Variants in RET observed in about 807,000 individuals in gnomAD.
The protein encoded by RET is ret proto-oncogene, also known as proto-oncogene tyrosine-protein kinase receptor Ret.
In RET, 19 loss-of-function variants were observed where a neutral mutation model predicts 118.3. The ratio of observed to expected loss-of-function variants is 0.16; its 90% CI spans 0.11 to 0.24. The LOEUF (loss-of-function observed/expected upper bound fraction) is 0.24, where lower values mean the gene tolerates loss of function less well. Among genes scored for constraint, RET ranks in the 10% least tolerant of loss-of-function variants. The pLI, the probability that RET is intolerant of heterozygous loss-of-function variation, is 1.00. For synonymous variants in RET, 597 were observed against 644.1 expected, an observed-to-expected ratio of 0.93 and a Z score of 1.11; for missense variants, 1,219 against 1,502.1, an observed-to-expected ratio of 0.81 and a Z score of 3.12.
chr10:43,086,097 G>T (rs1015086389), intron 1 of RET, among the ~76,000 whole-genome samples: 1 of 152,210 alleles, frequency 6.6e-6, no homozygotes, highest in African/African-American at 2.4e-5. Flanking sequence ...TTCTCTGCAT[G>T]CCTGTCACTG....
chr10:43,077,243 C>G lies in RET; in HGVS notation c.-16C>G, dbSNP rs1196767685. 1.3e-6 allele frequency: 2 copies of G among 1,496,830 alleles called. No individual in the cohort carries two copies. The highest frequency in any genetic ancestry group is 2.1e-5 in the Admixed American group (1 of 47,206). The allele number at this position is 1,496,830 out of a possible 1,614,324, so 92.7% of individuals were successfully genotyped here. The stretch of plus-strand genomic sequence containing the variant: ...AGCCGCAGTCCCTCCAGCCGTGGCC[C>G]CAGCGCGCACGGGCGATGGCGAAGG... On this transcript the variant is annotated 5_prime_UTR_variant, in exon 1 of 20. Coordinates refer to ENST00000355710, the MANE Select transcript of RET (RefSeq NM_020975.6).
intron 18 of RET, 74 bp from the exon 19 acceptor site, chr10:43,126,501 A>T: frequency 7.6e-7 from 1 of 1,314,604 alleles, no homozygotes; most frequent in Non-Finnish European, 1.1e-6. Context: ...TGCCCTGAGG[A>T]TGGCTTGTTG....
rs2132850697 is a variant in RET, at chr10:43,114,626, T to C, written c.2026T>C (p.Phe676Leu). Reference sequence around the variant, plus strand: ...ACCCATCTCCTCAGCTGAGATGACCTTCCGGAGGCCCGCCCAGGCCTTCCC... The same window carrying C: ...ACCCATCTCCTCAGCTGAGATGACCCTCCGGAGGCCCGCCCAGGCCTTCCC... ...KPPISSAEMT[F>L]RRPAQAFPVS... The change falls in exon 11 of 20, where the codon TTC becomes CTC. Residue 676 changes from phenylalanine to leucine, a missense_variant. By Grantham distance (22) the Phe-to-Leu change is conservative. This residue lies in a region of RET where 850 missense variants were observed against 969.6 expected (regional missense o/e 0.88). Coordinates refer to ENST00000355710, the MANE Select transcript of RET (RefSeq NM_020975.6). This position sits in a 1 kb window ranked among gnomAD's most constrained non-coding sequence, Gnocchi z 4.6. 6.2e-7 allele frequency: 1 copy of C among 1,613,076 alleles called. No individual in the cohort carries two copies. The highest frequency in any genetic ancestry group is 8.5e-7 in the Non-Finnish European group (1 of 1,180,002).
chr10:43,113,024 C>A, intron 9 of RET, 61 bp downstream of exon 9: 1 of 1,399,922 alleles, frequency 7.1e-7, no homozygotes, highest in Non-Finnish European at 1.0e-6. Flanking sequence ...AACCTGGATC[C>A]CACAGGCACT....
intron 8 of RET, 72 bp from the exon 9 acceptor site, chr10:43,112,781 C>A (rs2132811554): frequency 8.3e-7 from 1 of 1,207,600 alleles, no homozygotes; most frequent in Non-Finnish European, 1.2e-6. Flanking sequence ...GGGGCAGGAT[C>A]TGCCTAGGAG....
intron 1 of RET, among the ~76,000 whole-genome samples, chr10:43,095,066 G>A (rs964085681): frequency 1.3e-5 from 2 of 152,144 alleles, no homozygotes; most frequent in African/African-American, 4.8e-5. Flanking sequence ...TCAGCTGCAG[G>A]TGGGCACCAG....
intron 2 of RET, among the ~76,000 whole-genome samples, chr10:43,101,991 C>T (rs1319417006): frequency 1.4e-5 from 2 of 147,484 alleles, no homozygotes; most frequent in Admixed American, 6.9e-5. Context: ...CACTCCAAAC[C>T]TCCTGAGGAG....
At chr10:43,117,596 ACT>A (rs1029401765) in intron 12 of RET, among the ~76,000 whole-genome samples, 1 of 151,888 alleles carries the variant, frequency 6.6e-6, no homozygotes, top group Non-Finnish European at 1.5e-5. Flanking sequence ...ATGTGTTCTG[ACT>A]CTTGGAATAC....
Position 43,106,347 on chromosome 10 carries a change from C to T in RET, c.868-29C>T. 1.2e-6 allele frequency: 2 copies of T among 1,602,980 alleles called. No individual in the cohort carries two copies. The highest frequency in any genetic ancestry group is 1.7e-6 in the Non-Finnish European group (2 of 1,179,008). ...GGGTCTGAGGGGCCCATCTCGCCTG[C>T]ACTGACCAACGCCCTCTGCATCCTG... On this transcript the variant is annotated intron_variant, in intron 4 of 19. Transcript: ENST00000355710. This position sits in a 1 kb window ranked among gnomAD's most constrained non-coding sequence, Gnocchi z 5.1.
intron 5 of RET, among the ~76,000 whole-genome samples, chr10:43,107,975 G>A (rs986450407): frequency 7.2e-5 from 11 of 152,164 alleles, no homozygotes; most frequent in African/African-American, 2.4e-4. Flanking sequence ...GCTATGTGTC[G>A]CCTGATGCTA....
rs1029548546 is a variant in RET, at chr10:43,106,624, C to A, written c.1063+53C>A. 1.3e-6 allele frequency: 2 copies of A among 1,565,516 alleles called. No individual in the cohort carries two copies. The highest frequency in any genetic ancestry group is 1.4e-5 in the African/African-American group (1 of 73,804). On this transcript the variant is annotated intron_variant, in intron 5 of 19. Transcript: ENST00000355710. The surrounding 1 kb of genome is among the most constrained non-coding windows in gnomAD (Gnocchi z 5.1). The stretch of plus-strand genomic sequence containing the variant: ...CTAGGCCCCCAGGAAATGAGGTGCT[C>A]GCTCTTCATGGGCAAGCAGCACCCT...
At chr10:43,094,572 G>C (rs1353247445) in intron 1 of RET, among the ~76,000 whole-genome samples, 1 of 152,172 alleles carries the variant, frequency 6.6e-6, no homozygotes, top group Non-Finnish European at 1.5e-5. Context: ...GCCATGGCAA[G>C]GGTGACCTCA....
In RET at chr10:43,080,080, C is replaced by T. The variant is rs184999140; in HGVS notation, c.73+2749C>T. The stretch of plus-strand genomic sequence containing the variant: ...CTAAATTGCCTTTCTTCTGCAGAAT[C>T]ACTTTAGGGACAGGCTGAGGAAATC... On this transcript the variant is annotated intron_variant, in intron 1 of 19. Transcript: ENST00000355710. 2.0e-5 allele frequency among the ~76,000 whole-genome samples: 3 copies of T among 152,366 alleles called. No individual in the cohort carries two copies. In the East Asian group the frequency reaches 5.8e-4, roughly 29 times the overall value.
At chr10:43,120,230 G>T in intron 15 of RET, 27 bp downstream of exon 15, 1 of 1,610,976 alleles carries the variant, frequency 6.2e-7, no homozygotes, top group Non-Finnish European at 8.5e-7. Flanking sequence ...ATGAGGCGGG[G>T]CTCCCAGGGA....
intron 18 of RET, among the ~76,000 whole-genome samples, 178 bp downstream of exon 18, chr10:43,125,160 C>G (rs1006656244): frequency 6.6e-6 from 1 of 152,206 alleles, no homozygotes; most frequent in African/African-American, 2.4e-5. Context: ...CCTTCTCAGG[C>G]CAGGCCGCTT....
intron 5 of RET, among the ~76,000 whole-genome samples, chr10:43,108,446 T>C (rs1837834508): frequency 6.6e-5 from 10 of 152,224 alleles, no homozygotes; most frequent in Non-Finnish European, 1.5e-5. Flanking sequence ...GTCAGTCTTA[T>C]GATCTCTGTT....
intron 13 of RET, 135 bp downstream of exon 13, chr10:43,118,615 G>A (rs1838130637): frequency 1.3e-6 from 1 of 756,602 alleles, no homozygotes; most frequent in Non-Finnish European, 2.3e-6. Flanking sequence ...CTGGAAGCCT[G>A]GCTCAGGCCC....
intron 3 of RET, among the ~76,000 whole-genome samples, chr10:43,104,273 T>A (rs1025735519): frequency 1.4e-5 from 2 of 146,140 alleles, no homozygotes; most frequent in Admixed American, 6.9e-5. Context: ...CACATATTGC[T>A]TCCATAATTG....
rs2132832570 is a variant in RET, at chr10:43,113,690, G to T, written c.1879+15G>T. The T allele has an allele frequency of 6.2e-7, 1 of 1,612,382 alleles. No individual in the cohort carries two copies. On this transcript the variant is annotated intron_variant, in intron 10 of 19. Transcript: ENST00000355710. ...AGACATCCAGGGTGAGTGGGTGGCG[G>T]CCGGGACCACCACCACCTCCCAGCC... is the stretch of plus-strand genomic sequence containing the variant.
Sources: allele counts gnomAD v4.1 joint callset (sites outside exome capture counted in the v4.1 genomes callset), GRCh38; gene constraint gnomAD v4.1.1; regional missense constraint gnomAD v4.1.1; non-coding constraint Gnocchi (gnomAD v3.1); transcripts MANE v1.5; gene names NCBI Gene and HGNC (gene_info 2026-07-23, HGNC 2026-07-21).